The following UPP1 variants were observed in gnomAD, a reference collection of about 807,000 sequenced individuals.
The protein encoded by UPP1 is UPase 1.
UPP1 carries 25 observed loss-of-function variants against 29.6 expected under a neutral mutation model. The observed-to-expected ratio is 0.85, with a 90% confidence interval of 0.62 to 1.18. The LOEUF (loss-of-function observed/expected upper bound fraction) is 1.18. Ranked by LOEUF, UPP1 falls within the 50% of genes most tolerant of loss-of-function variation. The probability of loss-of-function intolerance (pLI) is 0.00; values close to 1 mark genes in which losing one functional copy is unlikely to be tolerated. For missense variants in UPP1, 368 were observed against 410.4 expected (o/e 0.90, Z 0.89); for synonymous variants, 165 against 159.8 (o/e 1.03, Z -0.25).
At chr7:48,096,471 C>G (rs977508172) in intron 3 of UPP1, among the ~76,000 whole-genome samples, 1 of 152,180 alleles carries the variant, frequency 6.6e-6, no homozygotes, top group Non-Finnish European at 1.5e-5. Context: ...ACACCCAGCA[C>G]AGGATGCTTG....
intron 6 of UPP1, chr7:48,104,070 T>G (rs1255578362): frequency 7.6e-6 from 3 of 397,132 alleles, no homozygotes; most frequent in East Asian, 7.6e-5. Context: ...TACAAAAGAT[T>G]AGCTGGGCGT....
intron 2 of UPP1, among the ~76,000 whole-genome samples, chr7:48,093,157 C>T (rs1390496638): frequency 2.6e-5 from 4 of 152,166 alleles, no homozygotes; most frequent in African/African-American, 9.7e-5. Context: ...AGAATGAAAG[C>T]CTGGTGGAGA....
chr7:48,107,528 C>A, intron 8 of UPP1, 21 bp downstream of exon 8: 1 of 1,587,230 alleles, frequency 6.3e-7, no homozygotes, highest in Non-Finnish European at 8.6e-7. Flanking sequence ...CTTGATGGGC[C>A]TCGGCGTCCC....
At chr7:48,095,235 C>A (rs1378851335) in intron 3 of UPP1, among the ~76,000 whole-genome samples, 1 of 152,192 alleles carries the variant, frequency 6.6e-6, no homozygotes, top group Non-Finnish European at 1.5e-5. Context: ...GGCATGACAC[C>A]ACTTGTGTTT....
At chr7:48,102,185 G>C (rs1792464633) in intron 5 of UPP1, among the ~76,000 whole-genome samples, 1 of 152,186 alleles carries the variant, frequency 6.6e-6, no homozygotes, top group East Asian at 1.9e-4. Flanking sequence ...GGGCGACTAA[G>C]TACACAAATG....
In UPP1 at chr7:48,106,885, G is replaced by C. The variant is rs1792776421; in HGVS notation, c.449G>C (p.Gly150Ala). The C allele has an allele frequency of 1.2e-6, 2 of 1,613,720 alleles. No individual in the cohort carries two copies. The highest frequency in any genetic ancestry group is 2.2e-5 in the East Asian group (1 of 44,886). The change falls in exon 7 of 9, where the codon GGC becomes GCC. Residue 150 changes from glycine (G) to alanine (A), a missense_variant. Physicochemically the swap from Gly to Ala is moderately conservative, Grantham distance 60. Coordinates refer to ENST00000395564, the MANE Select transcript of UPP1 (RefSeq NM_003364.4). The part of the protein sequence containing the change: ...GTSGGIGLEP[G>A]TVVITEQAVD... ...CTTTTTTCCTCAGGTCTGGAGCCCG[G>C]CACTGTGGTCATAACAGAGCAGGCA...
At chr7:48,099,479 G>A (rs983655084) in intron 3 of UPP1, among the ~76,000 whole-genome samples, 191 bp from the exon 4 acceptor site, 2 of 152,262 alleles carry the variant, frequency 1.3e-5, no homozygotes, top group African/African-American at 2.4e-5. Context: ...GGTTAAGAGG[G>A]AGGAGAAGGG....
intron 5 of UPP1, 124 bp downstream of exon 5, chr7:48,102,106 T>G (rs1023050593): frequency 1.8e-5 from 20 of 1,124,938 alleles, no homozygotes; most frequent in Non-Finnish European, 2.5e-5. Context: ...GGGAGCAGGG[T>G]GAGCCCACAG....
chr7:48,107,565 G>A, intron 8 of UPP1, 58 bp downstream of exon 8: 1 of 1,528,346 alleles, frequency 6.5e-7, no homozygotes, highest in African/African-American at 1.4e-5. Flanking sequence ...TGCTCTCCTG[G>A]AGCCCCTCGC....
intron 4 of UPP1, among the ~76,000 whole-genome samples, chr7:48,101,180 C>T (rs1415857500): frequency 6.6e-6 from 1 of 152,182 alleles, no homozygotes; most frequent in East Asian, 1.9e-4. Context: ...GCTGGGATTA[C>T]AGGTGTGAGC....
At position 48,101,903 on chromosome 7, in the gene UPP1, C is replaced by G. The variant is rs1329736616; in HGVS notation, c.242C>G (p.Pro81Arg). ...CVGAELGLDC[P>R]GRDYPNICAG... ...GGTGCAGAGCTGGGCCTTGACTGCC[C>G]AGGTAGAGACTATCCCAACATCTGT... Residue 81 changes from proline to arginine, a missense_variant, in exon 5 of 9, where the codon CCA becomes CGA. Pro to Arg is a moderately radical substitution (Grantham distance 103). Transcript: ENST00000395564. 6.2e-7 allele frequency: 1 copy of G among 1,613,892 alleles called. No homozygotes were observed. The highest frequency in any genetic ancestry group is 1.3e-5 in the African/African-American group (1 of 74,846).
At chr7:48,089,686 C>T (rs1791712369) in intron 1 of UPP1, 1 of 152,266 alleles carries the variant, frequency 6.6e-6, no homozygotes, top group South Asian at 2.1e-4. Flanking sequence ...CGGGTCCACC[C>T]CGTGCCTACC....
At chr7:48,096,959 C>G (rs891620037) in intron 3 of UPP1, among the ~76,000 whole-genome samples, 3 of 152,100 alleles carry the variant, frequency 2.0e-5, no homozygotes, top group African/African-American at 7.2e-5. Flanking sequence ...CTCAGCCTCC[C>G]AAATTGCTGG....
chr7:48,092,061 C>A (rs866825951), intron 2 of UPP1, among the ~76,000 whole-genome samples: 2 of 152,106 alleles, frequency 1.3e-5, no homozygotes, highest in Non-Finnish European at 2.9e-5. Context: ...ATGTTCTCAG[C>A]TGCTGGCCCA....
rs563094488 is a variant in UPP1, at chr7:48,089,276, C to A, written c.-341C>A. Reference sequence around the variant, plus strand: ...CAGGTGGTTCCCTCATTCGAGTGCTCCGGCGCACAGACCCGCGCCCCGCCG... The same window carrying A: ...CAGGTGGTTCCCTCATTCGAGTGCTACGGCGCACAGACCCGCGCCCCGCCG... On this transcript the variant is annotated 5_prime_UTR_variant, in exon 1 of 9. Transcript: ENST00000395564. 1 of 152,346 alleles carries A rather than the reference C, an allele frequency of 6.6e-6. No individual in the cohort carries two copies. The highest frequency in any genetic ancestry group is 1.5e-5 in the Non-Finnish European group (1 of 68,166). The allele number at this position is 152,346 out of a possible 1,614,324, so 9.4% of individuals were successfully genotyped here.
At chr7:48,101,570 G>A (rs1308694044) in intron 4 of UPP1, among the ~76,000 whole-genome samples, 1 of 152,148 alleles carries the variant, frequency 6.6e-6, no homozygotes, top group Non-Finnish European at 1.5e-5. Flanking sequence ...CTCAGAGAGA[G>A]CAAGGGTCTG....
chr7:48,089,540 C>G (rs1282106097), intron 1 of UPP1, 122 bp downstream of exon 1: 1 of 153,852 alleles, frequency 6.5e-6, no homozygotes, highest in Admixed American at 6.5e-5. Flanking sequence ...TGCACCTTGG[C>G]TGTGAGCTGC....
At chr7:48,101,803 G>T (rs1032601454) in intron 4 of UPP1, 21 bp from the exon 5 acceptor site, 18 of 1,611,088 alleles carry the variant, frequency 1.1e-5, no homozygotes, top group Non-Finnish European at 1.4e-5. Context: ...ACTAATGGGG[G>T]TCTCTCTTCT....
chr7:48,094,685 C>G, intron 2 of UPP1, 78 bp from the exon 3 acceptor site: 1 of 1,291,348 alleles, frequency 7.7e-7, no homozygotes, highest in Non-Finnish European at 1.1e-6. Flanking sequence ...CACTGACTTT[C>G]TACATATTAG....
Sources: allele counts gnomAD v4.1 joint callset (sites outside exome capture counted in the v4.1 genomes callset), GRCh38; gene constraint gnomAD v4.1.1; transcripts MANE v1.5; gene names NCBI Gene and HGNC (gene_info 2026-07-23, HGNC 2026-07-21).